DLC1: variants seen among roughly 807,000 people sequenced by gnomAD.
DLC1 encodes the protein rho GTPase-activating protein 7.
DLC1 carries 54 observed loss-of-function variants against 140.3 expected under a neutral mutation model. The observed-to-expected ratio is 0.38, with a 90% CI of 0.31 to 0.48. DLC1 has a LOEUF of 0.48. Among genes scored for constraint, DLC1 ranks in the 20% least tolerant of loss-of-function variants. The probability of loss-of-function intolerance (pLI) is 0.96; values close to 1 mark genes in which losing one functional copy is unlikely to be tolerated. For synonymous variants in DLC1, 986 were observed against 728.1 expected (o/e 1.35, Z -5.70); for missense variants, 2,536 against 1,907.0 (o/e 1.33, Z -6.14).
At chr8:13,352,963 G>T (rs1834744212) in intron 4 of DLC1, among the ~76,000 whole-genome samples, 1 of 152,054 alleles carries the variant, frequency 6.6e-6, no homozygotes, top group Non-Finnish European at 1.5e-5. Flanking sequence ...ATCCATCTTA[G>T]TAAAACACTA....
chr8:13,432,412 C>T (rs199870399), intron 2 of DLC1, among the ~76,000 whole-genome samples: 1 of 152,158 alleles, frequency 6.6e-6, no homozygotes. Flanking sequence ...TGATACAATA[C>T]ATCTTATATG....
At chr8:13,589,553 G>A (rs903755560) in intron 1 of DLC1, among the ~76,000 whole-genome samples, 3 of 152,052 alleles carry the variant, frequency 2.0e-5, no homozygotes, top group Admixed American at 1.3e-4. Flanking sequence ...ACATCATAGA[G>A]AATCATCTTT....
chr8:13,289,894 C>T (rs558211184), intron 5 of DLC1, among the ~76,000 whole-genome samples: 6 of 152,198 alleles, frequency 3.9e-5, no homozygotes, highest in African/African-American at 7.2e-5. Flanking sequence ...GGTTGTTGTC[C>T]TTGGGAGACA....
chr8:13,567,912 A>C (rs767563531), intron 1 of DLC1: 1 of 1,551,782 alleles, frequency 6.4e-7, no homozygotes, highest in South Asian at 1.2e-5. Flanking sequence ...GACTTACTCT[A>C]ATCAAACCAG....
chr8:13,166,271 T>G (rs1165524503), intron 5 of DLC1, among the ~76,000 whole-genome samples: 1 of 152,240 alleles, frequency 6.6e-6, no homozygotes, highest in Non-Finnish European at 1.5e-5. Context: ...ATTCAGGCCA[T>G]CATTCCTTTT....
intron 1 of DLC1, among the ~76,000 whole-genome samples, chr8:13,573,109 G>T (rs1804720674): frequency 6.6e-6 from 1 of 152,114 alleles, no homozygotes; most frequent in African/African-American, 2.4e-5. Context: ...CACGCACATT[G>T]ATGTCTTTAC....
At chr8:13,306,587 A>T (rs548838060) in intron 4 of DLC1, among the ~76,000 whole-genome samples, 1,513 of 138,928 alleles carry the variant, frequency 0.011, 14 homozygotes, top group South Asian at 0.025. Flanking sequence ...TGTGTGTGAG[A>T]GAGAGAGAGA....
chr8:13,483,167 G>T (rs1456136409), intron 2 of DLC1, among the ~76,000 whole-genome samples: 2 of 152,134 alleles, frequency 1.3e-5, no homozygotes, highest in East Asian at 3.9e-4. Flanking sequence ...ACATGGCCTT[G>T]TCTGTGTGTC....
At chr8:13,367,085 A>C (rs1835519765) in intron 4 of DLC1, among the ~76,000 whole-genome samples, 1 of 152,112 alleles carries the variant, frequency 6.6e-6, no homozygotes, top group South Asian at 2.1e-4. Context: ...TAAAAATGAG[A>C]ATAGAGGCCA....
intron 5 of DLC1, among the ~76,000 whole-genome samples, chr8:13,123,005 C>T (rs143789378): frequency 8.5e-5 from 13 of 152,184 alleles, no homozygotes; most frequent in African/African-American, 2.4e-4. Flanking sequence ...CAGCAGCTCT[C>T]AGGGAAAATC....
intron 2 of DLC1, among the ~76,000 whole-genome samples, chr8:13,406,657 T>C (rs1475827714): frequency 1.3e-5 from 2 of 152,344 alleles, no homozygotes; most frequent in East Asian, 3.9e-4. Context: ...TTATGTTTAC[T>C]CTTCTCTGGA....
At chr8:13,433,307 C>T (rs549571394) in intron 2 of DLC1, among the ~76,000 whole-genome samples, 2 of 152,152 alleles carry the variant, frequency 1.3e-5, no homozygotes, top group Admixed American at 6.5e-5. Flanking sequence ...TTCTGGGGCT[C>T]AGTAAGGCTT....
At chr8:13,443,920 A>C (rs957187339) in intron 2 of DLC1, among the ~76,000 whole-genome samples, 6 of 152,150 alleles carry the variant, frequency 3.9e-5, no homozygotes, top group African/African-American at 1.4e-4. Flanking sequence ...ATTTACTGAC[A>C]TTATTTAGGT....
intron 2 of DLC1, among the ~76,000 whole-genome samples, chr8:13,433,621 G>C (rs115362700): frequency 1.3e-5 from 2 of 152,136 alleles, no homozygotes; most frequent in Non-Finnish European, 2.9e-5. Flanking sequence ...GAAACTCACA[G>C]ACTGAAATGA....
chr8:13,093,756 C>T (rs796631814), intron 12 of DLC1, among the ~76,000 whole-genome samples: 9 of 152,280 alleles, frequency 5.9e-5, no homozygotes, highest in African/African-American at 1.9e-4. Flanking sequence ...AGACCAGCTC[C>T]ATTTCTCATA....
At chr8:13,575,348 G>T (rs948936147) in intron 1 of DLC1, among the ~76,000 whole-genome samples, 2 of 152,032 alleles carry the variant, frequency 1.3e-5, no homozygotes, top group African/African-American at 2.4e-5. Context: ...GGGTTAGGAG[G>T]GGGGTACGAG....
chr8:13,562,914 A>C (rs1804292808), intron 1 of DLC1, among the ~76,000 whole-genome samples: 1 of 152,074 alleles, frequency 6.6e-6, no homozygotes, highest in Non-Finnish European at 1.5e-5. Context: ...AAAAAAACAA[A>C]AAAAAAACGC....
At chr8:13,516,284 A>G (rs947955750), upstream of DLC1, among the ~76,000 whole-genome samples, 5 of 152,200 alleles carry the variant, frequency 3.3e-5, no homozygotes, top group Non-Finnish European at 7.4e-5. Context: ...TAAAATGAGT[A>G]ACATATAAAG....
chr8:13,491,708 G>GAGA (rs1801253202), intron 2 of DLC1, among the ~76,000 whole-genome samples: 1 of 152,138 alleles, frequency 6.6e-6, no homozygotes, highest in African/African-American at 2.4e-5. Flanking sequence ...GATTTTACAT[G>GAGA]ATTCCCTTGT....
Sources: gnomAD v4.1 joint callset for allele counts (sites outside exome capture counted in the v4.1 genomes callset) on GRCh38, gnomAD v4.1.1 for gene constraint, MANE v1.5 for transcripts, NCBI Gene and HGNC (gene_info 2026-07-23, HGNC 2026-07-21) for gene names.